VTA1: variants seen among roughly 807,000 people sequenced by gnomAD.
VTA1 encodes the protein vesicle trafficking 1.
Under a neutral mutation model 36.9 loss-of-function variants are expected in VTA1, and 24 were observed. That is an observed-to-expected ratio of 0.65 (90% confidence interval 0.47 to 0.91). VTA1 has a LOEUF of 0.91. VTA1 is among the 40% of genes least tolerant of loss of function. The probability of loss-of-function intolerance (pLI) is 0.00; values close to 1 mark genes in which losing one functional copy is unlikely to be tolerated. For synonymous variants in VTA1, 142 were observed against 130.2 expected (o/e 1.09, Z -0.62); for missense variants, 393 against 377.2 (o/e 1.04, Z -0.35).
chr6:142,167,752 G>A (rs1774949374), intron 2 of VTA1, among the ~76,000 whole-genome samples: 2 of 152,276 alleles, frequency 1.3e-5, no homozygotes, highest in Non-Finnish European at 2.9e-5. Context: ...CAGCTGTTCT[G>A]GAGCCTATCT....
intron 1 of VTA1, 25 bp from the exon 2 acceptor site, chr6:142,166,202 TC>T: frequency 6.6e-7 from 1 of 1,516,448 alleles, no homozygotes; most frequent in Non-Finnish European, 9.1e-7. Context: ...ATGAAATTGT[TC>T]AAATTATCTT....
At chr6:142,170,555 AT>A (rs1327537945) in intron 4 of VTA1, 134 bp downstream of exon 4, 5 of 552,374 alleles carry the variant, frequency 9.1e-6, no homozygotes, top group Admixed American at 6.8e-5. Context: ...GTAATTTTGC[AT>A]TTTTTATTAG....
intron 2 of VTA1, among the ~76,000 whole-genome samples, chr6:142,166,925 C>T (rs984287146): frequency 1.1e-4 from 16 of 152,060 alleles, no homozygotes; most frequent in South Asian, 6.2e-4. Context: ...CATGCCCAGC[C>T]GTGAAAAACC....
intron 2 of VTA1, among the ~76,000 whole-genome samples, chr6:142,167,118 A>G (rs1185466431): frequency 1.3e-5 from 2 of 152,162 alleles, no homozygotes; most frequent in Non-Finnish European, 1.5e-5. Context: ...TGGTTTAGGC[A>G]TCCTTCCCTC....
chr6:142,208,068 G>A (rs225696), intron 7 of VTA1, among the ~76,000 whole-genome samples: 55,662 of 138,758 alleles, frequency 0.4, 12,798 homozygotes, highest in Middle Eastern at 0.56. Context: ...CAGCCTGGGT[G>A]ACAGTGAGAC....
chr6:142,153,241 G>A (rs1778601213), intron 1 of VTA1, among the ~76,000 whole-genome samples: 1 of 151,930 alleles, frequency 6.6e-6, no homozygotes, highest in Admixed American at 6.6e-5. Context: ...GTCGTGTGAT[G>A]ATCATTGAAT....
In VTA1 at chr6:142,147,370, A is replaced by T. The variant is rs1208437878; in HGVS notation, c.83A>T (p.Asp28Val). The T allele has an allele frequency of 6.8e-6, 11 of 1,614,080 alleles. No individual in the cohort carries two copies. The highest frequency in any genetic ancestry group is 8.5e-6 in the Non-Finnish European group (10 of 1,180,028). Residue 28 changes from aspartate to valine, a missense_variant, in exon 1 of 8, where the codon GAC (aspartate) becomes GTC (valine). Coordinates refer to ENST00000367630, the MANE Select transcript of VTA1 (RefSeq NM_016485.5). ...QHHLRTAQEH[D>V]KRDPVVAYYC... is the part of the protein sequence containing the mutation. ...CATCTGAGGACGGCTCAGGAGCATG[A>T]CAAGCGAGACCCTGTGGTGGCTTAT...
At position 142,169,675 on chromosome 6, in the gene VTA1, CAAGT is replaced by C. The variant is rs758822184; in HGVS notation, c.335+5_335+8del. The stretch of plus-strand genomic sequence containing the variant: ...ATGAAGATCGTGCTGGACGATTTCA[CAAGT>C]AAGTAAAGAGAAAAATAAAAATTAT... On this transcript the variant is annotated splice_donor_variant and coding_sequence_variant, in exon 3 of 8. Transcript: ENST00000367630. LOFTEE classifies it high-confidence loss of function. 3.8e-6 allele frequency: 6 copies of C among 1,572,796 alleles called. No individual in the cohort carries two copies. Among genetic ancestry groups the C allele is most frequent in the East Asian group, 2.3e-5 (1 of 42,802 alleles).
chr6:142,205,559 A>G, intron 7 of VTA1, among the ~76,000 whole-genome samples: 1 of 152,118 alleles, frequency 6.6e-6, no homozygotes, highest in Non-Finnish European at 1.5e-5. Context: ...AAGGGTGGTA[A>G]TCAAGCAAAA....
At chr6:142,187,357 A>G (rs1775359359) in intron 4 of VTA1, among the ~76,000 whole-genome samples, 1 of 152,204 alleles carries the variant, frequency 6.6e-6, no homozygotes, top group African/African-American at 2.4e-5. Flanking sequence ...GTTTGGTAAG[A>G]TGATACCTAA....
At chr6:142,154,934 A>G (rs542093165) in intron 1 of VTA1, among the ~76,000 whole-genome samples, 2 of 152,156 alleles carry the variant, frequency 1.3e-5, no homozygotes, top group South Asian at 2.1e-4. Flanking sequence ...TGGATTAAAA[A>G]CGCAAGCAGA....
rs536505378 is a variant in VTA1 at position 142,154,021 on chromosome 6, T to TTGTG, written c.112+6634_112+6637dup. Among the ~76,000 whole-genome samples the TTGTG allele has an allele frequency of 2.6e-5, 4 of 151,734 alleles. No homozygotes were observed. The South Asian group carries it at 8.3e-4, about 32-fold the overall frequency. ...CAGGCTTTGTCAGTTTTACATGTAT[T>TTGTG]TGTGTGTGTGTGTGTATATTTAGTT... On this transcript the variant is annotated intron_variant, in intron 1 of 7. Coordinates refer to ENST00000367630, the MANE Select transcript of VTA1 (RefSeq NM_016485.5).
intron 7 of VTA1, among the ~76,000 whole-genome samples, chr6:142,204,682 CCTTTT>C (rs1775755609): frequency 7.0e-6 from 1 of 143,704 alleles, no homozygotes; most frequent in African/African-American, 2.6e-5. Context: ...AAATTTTAAT[CCTTTT>C]ATATTTAAAA....
At position 142,197,571 on chromosome 6, in the gene VTA1, T is replaced by C. The variant is rs532069449; in HGVS notation, c.521-868T>C. On this transcript the variant is annotated intron_variant, in intron 5 of 7. Transcript: ENST00000367630. ...CAAAATGAAATATCTCATTTCTTTC[T>C]GCATAGCTAAATGCAAAATTTCATT... Among the ~76,000 whole-genome samples the C allele has an allele frequency of 3.3e-4, 51 of 152,352 alleles. No homozygotes were observed. The South Asian group carries it at 3.5e-3, about 11-fold the overall frequency.
At chr6:142,189,720 T>C (rs1775414867) in intron 5 of VTA1, among the ~76,000 whole-genome samples, 186 bp downstream of exon 5, 1 of 151,686 alleles carries the variant, frequency 6.6e-6, no homozygotes, top group Non-Finnish European at 1.5e-5. Flanking sequence ...ACTGCTGTAA[T>C]ACCTGTCCAT....
At chr6:142,192,243 A>G (rs1373986275) in intron 5 of VTA1, among the ~76,000 whole-genome samples, 1 of 152,060 alleles carries the variant, frequency 6.6e-6, no homozygotes, top group Non-Finnish European at 1.5e-5. Context: ...TCAGTACAGT[A>G]TTTATTAAAT....
chr6:142,197,223 A>T (rs1480669185), intron 5 of VTA1, among the ~76,000 whole-genome samples: 1 of 152,234 alleles, frequency 6.6e-6, no homozygotes, highest in Admixed American at 6.5e-5. Flanking sequence ...TAATGTATGT[A>T]AAGTATAAAT....
chr6:142,215,811 G>A (rs1357489725), intron 7 of VTA1, among the ~76,000 whole-genome samples: 1 of 152,168 alleles, frequency 6.6e-6, no homozygotes, highest in African/African-American at 2.4e-5. Context: ...TATGTCAACT[G>A]AGCACGCAGT....
intron 1 of VTA1, among the ~76,000 whole-genome samples, chr6:142,157,317 G>A (rs1778679871): frequency 6.6e-6 from 1 of 152,138 alleles, no homozygotes; most frequent in South Asian, 2.1e-4. Flanking sequence ...TGATAGACTA[G>A]AGTCTATAGT....
Sources: gnomAD v4.1 joint callset for allele counts (sites outside exome capture counted in the v4.1 genomes callset) on GRCh38, gnomAD v4.1.1 for gene constraint, MANE v1.5 for transcripts, NCBI Gene and HGNC (gene_info 2026-07-23, HGNC 2026-07-21) for gene names.